Variants in NDE1 observed in about 807,000 individuals in gnomAD.
NDE1 encodes nuclear distribution protein nudE homolog 1.
Under a neutral mutation model 43.4 loss-of-function variants are expected in NDE1, and 28 were observed. The observed-to-expected ratio is 0.65, with a 90% confidence interval of 0.48 to 0.89. NDE1 has a LOEUF of 0.89. Ranked by LOEUF, NDE1 falls within the 40% of genes least tolerant of loss-of-function variation. The pLI is 0.00. For synonymous variants in NDE1, 184 were observed against 172.0 expected (o/e 1.07, Z -0.55); for missense variants, 441 against 434.1 (o/e 1.02, Z -0.14).
chr16:15,668,222 C>T (rs1479319733), intron 3 of NDE1, among the ~76,000 whole-genome samples: 6 of 152,018 alleles, frequency 3.9e-5, no homozygotes, highest in Admixed American at 2.6e-4. Flanking sequence ...ATTAGCTGGG[C>T]GTGGTGGTAC....
chr16:15,668,821 G>A (rs142534802), intron 3 of NDE1, among the ~76,000 whole-genome samples: 1 of 152,138 alleles, frequency 6.6e-6, no homozygotes, highest in Non-Finnish European at 1.5e-5. Flanking sequence ...CAGGTTTCTC[G>A]ACCTGGCTGC....
At chr16:15,645,955 G>T (rs1372147595), upstream of NDE1, among the ~76,000 whole-genome samples, 1 of 152,154 alleles carries the variant, frequency 6.6e-6, no homozygotes, top group Non-Finnish European at 1.5e-5. Context: ...TGAGTTATCT[G>T]CTCAGCCATA....
intron 3 of NDE1, among the ~76,000 whole-genome samples, chr16:15,668,714 G>A (rs2037439210): frequency 6.6e-6 from 1 of 152,136 alleles, no homozygotes; most frequent in Non-Finnish European, 1.5e-5. Context: ...AAGTGCTTAG[G>A]AGCCACGTGT....
chr16:15,702,282 C>T lies in NDE1; in HGVS notation c.947+5422C>T, dbSNP rs148997809. Among the ~76,000 whole-genome samples the T allele has an allele frequency of 1.9e-3, 285 of 152,274 alleles. 1 individual carries two copies. Among genetic ancestry groups the T allele is most frequent in the South Asian group, 2.5e-3 (12 of 4,824 alleles). Reference sequence around the variant, plus strand: ...AGGGCCTACAGCTTGTTTTTATGGCCCTTACTCTAAGAATGATTTATTATG... The same window carrying T: ...AGGGCCTACAGCTTGTTTTTATGGCTCTTACTCTAAGAATGATTTATTATG... On this transcript the variant is annotated intron_variant, in intron 8 of 8. Coordinates refer to ENST00000396354, the MANE Select transcript of NDE1 (RefSeq NM_017668.3).
intron 8 of NDE1, chr16:15,713,585 T>G (rs2039943380): frequency 6.6e-6 from 1 of 152,234 alleles, no homozygotes; most frequent in Non-Finnish European, 1.5e-5. Context: ...AGCCTTGACC[T>G]CTGGGGCTCC....
At chr16:15,719,616 C>T (rs755664838) in intron 8 of NDE1, 1 of 1,614,090 alleles carries the variant, frequency 6.2e-7, no homozygotes, top group East Asian at 2.2e-5. Flanking sequence ...TGCTTCCAAG[C>T]TCTTGGCTTT....
chr16:15,718,536 T>C, intron 8 of NDE1: 2 of 1,467,308 alleles, frequency 1.4e-6, no homozygotes, highest in South Asian at 2.6e-5. Context: ...GCCCTCATCA[T>C]CTAATGGGTG....
At chr16:15,712,167 G>A (rs1191124260) in intron 8 of NDE1, among the ~76,000 whole-genome samples, 1 of 152,220 alleles carries the variant, frequency 6.6e-6, no homozygotes, top group Non-Finnish European at 1.5e-5. Flanking sequence ...AAGAGTTTCA[G>A]TCAGGACTTG....
In NDE1 at chr16:15,694,109, C is replaced by T. The variant is rs1028046414; in HGVS notation, c.704-56C>T. 8.1e-6 allele frequency: 13 copies of T among 1,596,062 alleles called. No individual in the cohort carries two copies. The African/African-American group carries it at 1.3e-4, about 17-fold the overall frequency. On this transcript the variant is annotated intron_variant, in intron 6 of 8. Coordinates refer to ENST00000396354, the MANE Select transcript of NDE1 (RefSeq NM_017668.3). ...GTGGTTTTGGATCTAGCGATGTTAA[C>T]GCACAGACATGACTATAGGTTGGTG...
intron 5 of NDE1, among the ~76,000 whole-genome samples, chr16:15,690,353 C>CTTTTCTTTTTT (rs2038681608): frequency 1.2e-5 from 1 of 80,950 alleles, no homozygotes; most frequent in Non-Finnish European, 2.2e-5. Context: ...TTTTTTTTTT[C>CTTTTCTTTTTT]TTTTTTTTTT....
chr16:15,703,703 C>T (rs2039304553), intron 8 of NDE1: 1 of 463,710 alleles, frequency 2.2e-6, no homozygotes, highest in African/African-American at 1.9e-5. Context: ...TTCTTCCTGG[C>T]TCAGCCTCCC....
chr16:15,698,532 G>A (rs1275390369), intron 8 of NDE1, among the ~76,000 whole-genome samples: 1 of 151,732 alleles, frequency 6.6e-6, no homozygotes, highest in East Asian at 1.9e-4. Context: ...ATTTTCCATG[G>A]CATGCACATA....
intron 1 of NDE1, among the ~76,000 whole-genome samples, chr16:15,661,437 C>T (rs1490835714): frequency 1.3e-5 from 2 of 150,928 alleles, no homozygotes; most frequent in African/African-American, 4.9e-5. Context: ...TGTGAGCCAC[C>T]GCGCCCGGCC....
At chr16:15,654,721 C>A (rs2036677000) in intron 1 of NDE1, among the ~76,000 whole-genome samples, 1 of 148,448 alleles carries the variant, frequency 6.7e-6, no homozygotes, top group Admixed American at 6.9e-5. Context: ...TGCAAAGATC[C>A]CTTGAACTTG....
chr16:15,655,931 A>G lies in NDE1; in HGVS notation c.-44+5637A>G, dbSNP rs576704812. Among the ~76,000 whole-genome samples, 506 of 142,780 alleles carry G rather than the reference A, an allele frequency of 3.5e-3. 2 individuals are homozygous for G. The highest frequency in any genetic ancestry group is 7.3e-3 in the Middle Eastern group (2 of 274). 93.7% of individuals were successfully genotyped at this position (142,780 alleles called of 152,430 possible). The stretch of plus-strand genomic sequence containing the variant: ...ACTCATAGGTGGGAATTGAACAACG[A>G]GAACACATGGACACAGGAAGGGGAA... On this transcript the variant is annotated intron_variant, in intron 1 of 8. Transcript: ENST00000396354.
intron 8 of NDE1, among the ~76,000 whole-genome samples, chr16:15,722,530 G>A (rs1362952539): frequency 6.6e-6 from 1 of 152,188 alleles, no homozygotes; most frequent in African/African-American, 2.4e-5. Flanking sequence ...GTGTGCCACT[G>A]CACTACACTC....
chr16:15,719,550 G>A (rs770275961), intron 8 of NDE1: 6 of 1,612,948 alleles, frequency 3.7e-6, no homozygotes, highest in Middle Eastern at 1.8e-4. Context: ...CGTGACACCC[G>A]CATCTGAGGC....
At chr16:15,720,360 TC>T in intron 8 of NDE1, 2 of 1,586,258 alleles carry the variant, frequency 1.3e-6, no homozygotes, top group Non-Finnish European at 1.7e-6. Context: ...CCCTGGGAGG[TC>T]CTTTGGCTCA....
intron 4 of NDE1, among the ~76,000 whole-genome samples, chr16:15,680,987 A>AT (rs1218950569): frequency 6.6e-6 from 1 of 150,606 alleles, no homozygotes; most frequent in East Asian, 1.9e-4. Flanking sequence ...TTATACATGT[A>AT]TTTTTCATTT....
Sources: allele counts gnomAD v4.1 joint callset (sites outside exome capture counted in the v4.1 genomes callset), GRCh38; gene constraint gnomAD v4.1.1; transcripts MANE v1.5; gene names NCBI Gene and HGNC (gene_info 2026-07-23, HGNC 2026-07-21).